Variants in PCDHA1 observed in about 807,000 individuals in gnomAD.
PCDHA1 encodes the protein protocadherin alpha 1.
In PCDHA1, 42 loss-of-function variants were observed where a neutral mutation model predicts 61.3. That is an observed-to-expected ratio of 0.69 (90% CI 0.54 to 0.89). The LOEUF is 0.89. Ranked by LOEUF, PCDHA1 falls within the 40% of genes least tolerant of loss-of-function variation. PCDHA1 has a pLI of 0.00. For missense variants in PCDHA1, 1,256 were observed against 1,235.3 expected (o/e 1.02, Z -0.25); for synonymous variants, 610 against 553.8 (o/e 1.10, Z -1.43).
At chr5:140,828,092 A>T in intron 1 of PCDHA1, 2 of 1,598,744 alleles carry the variant, frequency 1.3e-6, no homozygotes, top group Non-Finnish European at 1.7e-6. Flanking sequence ...GGTATTTGAC[A>T]TGGTGTTTAC....
At position 140,835,736 on chromosome 5, in the gene PCDHA1, C is replaced by T. The variant is rs2150243450; in HGVS notation, c.2394+47052C>T. ...TGGAGGTGGCCGACGTGAACGACAACGCCCCGGCGTTCGCGCAGCCCGAGT... is the reference window on the plus strand; with the variant it reads ...TGGAGGTGGCCGACGTGAACGACAATGCCCCGGCGTTCGCGCAGCCCGAGT... On this transcript the variant is annotated intron_variant, in intron 1 of 3. Coordinates refer to ENST00000504120, the MANE Select transcript of PCDHA1 (RefSeq NM_018900.4). 7.4e-6 allele frequency: 12 copies of T among 1,613,586 alleles called. No individual in the cohort carries two copies. The African/African-American group carries it at 8.0e-5, about 11-fold the overall frequency.
intron 1 of PCDHA1, chr5:140,853,810 G>A (rs1402594450): frequency 7.1e-6 from 7 of 986,530 alleles, no homozygotes; most frequent in Non-Finnish European, 8.5e-6. Context: ...AAGCACACCT[G>A]AGATGATTCT....
Position 140,787,204 on chromosome 5 carries a change from T to G in PCDHA1, c.914T>G (p.Ile305Ser), listed in dbSNP as rs782476358. 1 of 1,614,068 alleles carries G rather than the reference T, an allele frequency of 6.2e-7. No homozygotes were observed. The change falls in exon 1 of 4, where the codon ATT becomes AGT. Residue 305 changes from isoleucine to serine, a missense_variant. Coordinates refer to ENST00000504120, the MANE Select transcript of PCDHA1 (RefSeq NM_018900.4). ...TCCAGCTCAGGAGAAATTAGGTTAA[T>G]TGATAAACTGGATTATGAAGAAACA... ...VDSSSGEIRL[I>S]DKLDYEETKS...
chr5:140,975,016 G>T (rs782435284), intron 1 of PCDHA1, among the ~76,000 whole-genome samples: 6 of 152,128 alleles, frequency 3.9e-5, no homozygotes, highest in Non-Finnish European at 8.8e-5. Context: ...AACACAGCTG[G>T]GCTGTGTTGT....
intron 1 of PCDHA1, chr5:140,802,901 T>A: frequency 1.2e-6 from 2 of 1,613,748 alleles, no homozygotes; most frequent in Non-Finnish European, 1.7e-6. Flanking sequence ...TGCTGATGCC[T>A]CGGGTGGGTG....
intron 1 of PCDHA1, chr5:140,856,598 A>C: frequency 6.3e-7 from 1 of 1,597,872 alleles, no homozygotes; most frequent in East Asian, 2.2e-5. Context: ...TATTATAAAC[A>C]AAAAAGACAA....
At chr5:140,933,618 G>T (rs2089270614) in intron 1 of PCDHA1, among the ~76,000 whole-genome samples, 1 of 151,904 alleles carries the variant, frequency 6.6e-6, no homozygotes, top group African/African-American at 2.4e-5. Flanking sequence ...TTCTTATTAG[G>T]TTAGGCTGGC....
intron 1 of PCDHA1, chr5:140,824,634 T>TTTTTTTTTTTTTTTTG: frequency 8.7e-6 from 1 of 115,218 alleles, no homozygotes; most frequent in African/African-American, 4.3e-5. Context: ...TTTTTTTTTA[T>TTTTTTTTTTTTTTTTG]TTTCTGTAGA....
At chr5:140,817,029 A>T (rs2126677120) in intron 1 of PCDHA1, 5 of 152,076 alleles carry the variant, frequency 3.3e-5, no homozygotes, top group Non-Finnish European at 7.4e-5. Flanking sequence ...TGAGAGAGAG[A>T]GTGCTGAGCT....
chr5:140,838,330 C>T lies in PCDHA1; in HGVS notation c.2394+49646C>T, dbSNP rs113888727. 2.6e-3 allele frequency among the ~76,000 whole-genome samples: 382 copies of T among 147,588 alleles called. 4 individuals carry two copies. The highest frequency in any genetic ancestry group is 9.4e-3 in the African/African-American group (367 of 39,126). The stretch of plus-strand genomic sequence containing the variant: ...GTAGAAACAGAGTTTCACCATGTTG[C>T]CCCGGCTGGTCTCGAAATCTGGGAC... On this transcript the variant is annotated intron_variant, in intron 1 of 3. Coordinates refer to ENST00000504120, the MANE Select transcript of PCDHA1 (RefSeq NM_018900.4).
chr5:140,868,706 CAA>C (rs1562618527), intron 1 of PCDHA1: 1 of 185,252 alleles, frequency 5.4e-6, no homozygotes, highest in Non-Finnish European at 1.1e-5. Flanking sequence ...AACATAGACA[CAA>C]TAATTTAAAT....
At chr5:140,910,099 T>G (rs1554194123) in intron 1 of PCDHA1, among the ~76,000 whole-genome samples, 1 of 152,230 alleles carries the variant, frequency 6.6e-6, no homozygotes, top group African/African-American at 2.4e-5. Context: ...CAGCCTCCCC[T>G]TCATTTAAGG....
At chr5:140,870,402 T>G (rs782585618) in intron 1 of PCDHA1, 8 of 1,614,212 alleles carry the variant, frequency 5.0e-6, no homozygotes, top group Non-Finnish European at 5.1e-6. Flanking sequence ...GTTCGCCTTC[T>G]CTGTGGGCCA....
In PCDHA1 at chr5:140,979,026, A is replaced by AT. The variant is rs2096832382; in HGVS notation, c.2453+21dup. On this transcript the variant is annotated intron_variant, in intron 2 of 3. Coordinates refer to ENST00000504120, the MANE Select transcript of PCDHA1 (RefSeq NM_018900.4). ...TGCACAGGTATGTATTTCCCTCCTC[A>AT]TTCACTCAGAAGTAACCTTAACTTG... 1 of 1,613,372 alleles carries AT rather than the reference A, an allele frequency of 6.2e-7. No homozygotes were observed. The highest frequency in any genetic ancestry group is 1.3e-5 in the African/African-American group (1 of 74,882).
intron 1 of PCDHA1, among the ~76,000 whole-genome samples, chr5:140,908,977 A>T (rs1461491727): frequency 6.6e-6 from 1 of 152,168 alleles, no homozygotes; most frequent in Non-Finnish European, 1.5e-5. Context: ...GCCCCACTCC[A>T]CTGGACCCCT....
intron 1 of PCDHA1, chr5:140,875,776 T>G: frequency 6.2e-7 from 1 of 1,613,910 alleles, no homozygotes; most frequent in Non-Finnish European, 8.5e-7. Context: ...GAGCGCGGAG[T>G]GCAGTATCCA....
intron 1 of PCDHA1, chr5:140,829,780 G>A: frequency 1.2e-6 from 2 of 1,613,792 alleles, no homozygotes; most frequent in Non-Finnish European, 1.7e-6. Context: ...ACAACGCGCC[G>A]GCGCTGCTGG....
At chr5:140,884,487 T>G (rs374963144) in intron 1 of PCDHA1, 3 of 1,613,832 alleles carry the variant, frequency 1.9e-6, no homozygotes, top group Non-Finnish European at 1.7e-6. Flanking sequence ...CCCACTCTAG[T>G]GTGCTCCAGC....
chr5:140,944,807 A>G (rs1472832230), intron 1 of PCDHA1, among the ~76,000 whole-genome samples: 1 of 152,214 alleles, frequency 6.6e-6, no homozygotes, highest in Non-Finnish European at 1.5e-5. Context: ...TCGAGGGTCC[A>G]CAGTGATCTT....
Sources: gnomAD v4.1 joint callset for allele counts (sites outside exome capture counted in the v4.1 genomes callset) on GRCh38, gnomAD v4.1.1 for gene constraint, MANE v1.5 for transcripts, NCBI Gene and HGNC (gene_info 2026-07-23, HGNC 2026-07-21) for gene names.